Variants in RORA observed in about 807,000 individuals in gnomAD.
RORA encodes the protein nuclear receptor ROR-alpha.
RORA carries 7 observed loss-of-function variants against 69.5 expected under a neutral mutation model. That is an observed-to-expected ratio of 0.10 (90% CI 0.06 to 0.19). RORA has a LOEUF of 0.19. Ranked by LOEUF, RORA falls within the 10% of genes least tolerant of loss-of-function variation. The probability of loss-of-function intolerance (pLI) is 1.00; values close to 1 mark genes in which losing one functional copy is unlikely to be tolerated. For synonymous variants in RORA, 261 were observed against 240.8 expected (o/e 1.08, Z -0.78); for missense variants, 457 against 663.0 (o/e 0.69, Z 3.41).
Position 60,499,555 on chromosome 15 carries a change from C to G in RORA, c.1407+337G>C, listed in dbSNP as rs541599648. On this transcript the variant is annotated intron_variant, in intron 10 of 10. Coordinates refer to ENST00000335670, the MANE Select transcript of RORA (RefSeq NM_134261.3). ...CCTGTCTCTAAAAAATTAATAAATT[C>G]AAAGATTATTTTTACAGTTTATGTC... 1.9e-4 allele frequency among the ~76,000 whole-genome samples: 29 copies of G among 152,182 alleles called. 1 individual carries two copies. The South Asian group carries it at 6.0e-3, about 32-fold the overall frequency.
chr15:61,203,665 C>A (rs1437660590), intron 1 of RORA, among the ~76,000 whole-genome samples: 2 of 152,120 alleles, frequency 1.3e-5, no homozygotes, highest in African/African-American at 4.8e-5. Flanking sequence ...CACGAACATT[C>A]TAGAATTAAA....
chr15:60,992,233 A>C (rs563538047), intron 1 of RORA, among the ~76,000 whole-genome samples: 1 of 152,284 alleles, frequency 6.6e-6, no homozygotes, highest in South Asian at 2.1e-4. Flanking sequence ...AAGAGGAAAA[A>C]ATGGAAGACT....
At chr15:61,170,394 T>C (rs1235978028) in intron 1 of RORA, among the ~76,000 whole-genome samples, 1 of 152,208 alleles carries the variant, frequency 6.6e-6, no homozygotes, top group Non-Finnish European at 1.5e-5. Context: ...TGTTTGTGTG[T>C]CCTGTGCTTT....
At chr15:60,561,649 A>G (rs949627410) in intron 2 of RORA, among the ~76,000 whole-genome samples, 13 of 152,204 alleles carry the variant, frequency 8.5e-5, no homozygotes, top group African/African-American at 3.1e-4. Context: ...ATACCAATAC[A>G]TTTTGTTAAA....
At chr15:61,049,275 T>G (rs190166782) in intron 1 of RORA, among the ~76,000 whole-genome samples, 1 of 152,088 alleles carries the variant, frequency 6.6e-6, no homozygotes, top group African/African-American at 2.4e-5. Flanking sequence ...CCCACTTACG[T>G]TGGAGCTCAG....
chr15:60,841,727 G>A (rs774253476), intron 1 of RORA, among the ~76,000 whole-genome samples: 7 of 152,074 alleles, frequency 4.6e-5, no homozygotes, highest in East Asian at 1.9e-4. Context: ...TTCTGCCCTC[G>A]TTCTCTCCTC....
At chr15:61,108,534 G>C (rs1419015878) in intron 1 of RORA, among the ~76,000 whole-genome samples, 1 of 152,194 alleles carries the variant, frequency 6.6e-6, no homozygotes, top group Admixed American at 6.5e-5. Context: ...AGCAGGCAGA[G>C]TTGAGTAGTT....
intron 1 of RORA, among the ~76,000 whole-genome samples, chr15:61,188,498 T>C (rs1215703152): frequency 6.6e-6 from 1 of 152,160 alleles, no homozygotes; most frequent in East Asian, 1.9e-4. Flanking sequence ...AAAATTCTAA[T>C]GGAAAACGTG....
intron 1 of RORA, among the ~76,000 whole-genome samples, chr15:60,763,212 C>T (rs12900122): frequency 0.22 from 32,822 of 151,234 alleles, 4,373 homozygotes; most frequent in African/African-American, 0.38. Flanking sequence ...TCTGGGTAGC[C>T]GAGAGGAAAA....
chr15:60,855,809 G>A (rs970519461), intron 1 of RORA, among the ~76,000 whole-genome samples: 66 of 152,108 alleles, frequency 4.3e-4, no homozygotes, highest in African/African-American at 1.6e-3. Context: ...TAGAGACGGG[G>A]TTTCACCACG....
At chr15:60,809,577 C>T (rs1050732139) in intron 1 of RORA, among the ~76,000 whole-genome samples, 4 of 152,154 alleles carry the variant, frequency 2.6e-5, no homozygotes, top group East Asian at 3.8e-4. Context: ...TGACCTTCCA[C>T]GACGGAAGAT....
chr15:60,581,142 T>C (rs1425801537), intron 2 of RORA, among the ~76,000 whole-genome samples: 1 of 152,184 alleles, frequency 6.6e-6, no homozygotes, highest in African/African-American at 2.4e-5. Context: ...ACTCGATCCA[T>C]CTTAACAGTC....
At chr15:60,940,046 G>C (rs1209795629) in intron 1 of RORA, among the ~76,000 whole-genome samples, 1 of 152,204 alleles carries the variant, frequency 6.6e-6, no homozygotes, top group African/African-American at 2.4e-5. Context: ...TTCAAGATGA[G>C]TAGAAGATCA....
At chr15:60,637,171 T>C (rs1219761559) in intron 2 of RORA, among the ~76,000 whole-genome samples, 1 of 152,130 alleles carries the variant, frequency 6.6e-6, no homozygotes, top group Non-Finnish European at 1.5e-5. Flanking sequence ...GCTGTATCAA[T>C]TTATATTCAC....
Position 60,934,387 on chromosome 15 carries a change from G to GA in RORA, c.167-255702dup, listed in dbSNP as rs200814455. ...GAGTCCTCTGGAGGGCTTGTAAAAA[G>GA]AAAAAAAAACAAAAACACAGATTGC... On this transcript the variant is annotated intron_variant, in intron 1 of 10. Coordinates refer to ENST00000335670, the MANE Select transcript of RORA (RefSeq NM_134261.3). Among the ~76,000 whole-genome samples the GA allele has an allele frequency of 3.7e-3, 549 of 149,796 alleles. 1 individual carries two copies. The highest frequency in any genetic ancestry group is 0.017 in the Middle Eastern group (5 of 292).
intron 1 of RORA, among the ~76,000 whole-genome samples, chr15:60,763,376 C>T (rs2071929039): frequency 6.6e-6 from 1 of 152,068 alleles, no homozygotes; most frequent in African/African-American, 2.4e-5. Flanking sequence ...GTGTCTCCTA[C>T]CAGGGAAATT....
intron 1 of RORA, among the ~76,000 whole-genome samples, chr15:60,831,032 G>A (rs1465410853): frequency 1.3e-5 from 2 of 152,226 alleles, no homozygotes; most frequent in East Asian, 1.9e-4. Context: ...TATAGTCAGC[G>A]AGGAGACTGA....
intron 2 of RORA, among the ~76,000 whole-genome samples, chr15:60,629,187 C>CTTTT (rs34687322): frequency 1.2e-4 from 13 of 112,024 alleles, no homozygotes; most frequent in African/African-American, 4.8e-4. Context: ...ACTGTTTATT[C>CTTTT]TTTTTTTTTT....
intron 1 of RORA, among the ~76,000 whole-genome samples, chr15:60,886,163 C>A (rs2073748005): frequency 6.6e-6 from 1 of 152,010 alleles, no homozygotes; most frequent in Non-Finnish European, 1.5e-5. Flanking sequence ...GATTACATTT[C>A]CCCCAAAAAA....
Sources: gnomAD v4.1 joint callset for allele counts (sites outside exome capture counted in the v4.1 genomes callset) on GRCh38, gnomAD v4.1.1 for gene constraint, MANE v1.5 for transcripts, NCBI Gene and HGNC (gene_info 2026-07-23, HGNC 2026-07-21) for gene names.